Variants in LYZ observed in about 807,000 individuals in gnomAD.
LYZ encodes lysozyme.
A neutral mutation model predicts 15.8 loss-of-function variants in LYZ; 18 were observed. The observed-to-expected ratio is 1.14, with a 90% CI of 0.79 to 1.69. LYZ has a LOEUF of 1.69. Among genes scored for constraint, LYZ ranks in the 40% most tolerant of loss-of-function variants. The pLI is 0.00. For missense variants in LYZ, 139 were observed against 182.8 expected (o/e 0.76, Z 1.38); for synonymous variants, 60 against 61.7 (o/e 0.97, Z 0.13).
chr12:69,349,740 A>C (rs1293928235), intron 1 of LYZ, among the ~76,000 whole-genome samples: 1 of 152,214 alleles, frequency 6.6e-6, no homozygotes, highest in African/African-American at 2.4e-5. Flanking sequence ...GCATTTTTCC[A>C]TCAGCCTATG....
At chr12:69,350,737 C>CTTTTTTTTTTTTTTTT (rs60163961) in intron 2 of LYZ, among the ~76,000 whole-genome samples, 1 of 26,016 alleles carries the variant, frequency 3.8e-5, no homozygotes, top group African/African-American at 1.0e-4. Context: ...TCTTCTATGC[C>CTTTTTTTTTTTTTTTT]TTTTTTTTTT....
chr12:69,354,224 T>A lies in LYZ; in HGVS notation c.*1005T>A, dbSNP rs1321484545. 2.6e-5 allele frequency: 4 copies of A among 152,262 alleles called. No homozygotes were observed. The highest frequency in any genetic ancestry group is 2.6e-4 in the Admixed American group (4 of 15,290). 9.4% of individuals were successfully genotyped at this position (152,262 alleles called of 1,614,324 possible). Reference sequence around the variant, plus strand: ...AAATACAAACATTCTAATTAAAGGCTTTGCAACACATGCCTTGTCTGTTTT... The same window carrying A: ...AAATACAAACATTCTAATTAAAGGCATTGCAACACATGCCTTGTCTGTTTT... On this transcript the variant is annotated 3_prime_UTR_variant, in exon 4 of 4. Coordinates refer to ENST00000261267, the MANE Select transcript of LYZ (RefSeq NM_000239.3).
Position 69,353,860 on chromosome 12 carries a change from A to C in LYZ, c.*641A>C, listed in dbSNP as rs960625413. On this transcript the variant is annotated 3_prime_UTR_variant, in exon 4 of 4. Coordinates refer to ENST00000261267, the MANE Select transcript of LYZ (RefSeq NM_000239.3). ...TACGATTATGCCCAATATTAAGTAAAAAATATAAGAAAAGGTTATCTTAAA... is the reference window on the plus strand; with the variant it reads ...TACGATTATGCCCAATATTAAGTAACAAATATAAGAAAAGGTTATCTTAAA... 2 of 152,856 alleles carry C rather than the reference A, an allele frequency of 1.3e-5. No individual in the cohort carries two copies. Among genetic ancestry groups the C allele is most frequent in the East Asian group, 3.9e-4 (2 of 5,190 alleles). 9.5% of individuals were successfully genotyped at this position (152,856 alleles called of 1,614,324 possible). A position where few individuals can be genotyped will look rare whatever the true frequency, so the allele number is the denominator to read the frequency against.
Position 69,353,456 on chromosome 12 carries a change from T to A in LYZ, c.*237T>A. The A allele has an allele frequency of 1.8e-6, 1 of 557,952 alleles. No individual in the cohort carries two copies. The highest frequency in any genetic ancestry group is 3.2e-6 in the Non-Finnish European group (1 of 312,488). 34.6% of individuals were successfully genotyped at this position (557,952 alleles called of 1,614,324 possible). A position where few individuals can be genotyped will look rare whatever the true frequency, so the allele number is the denominator to read the frequency against. On this transcript the variant is annotated 3_prime_UTR_variant, in exon 4 of 4. Coordinates refer to ENST00000261267, the MANE Select transcript of LYZ (RefSeq NM_000239.3). ...GAACTAATACTGGTGAAAATTTACCTAAAACCTTGGTTATCAAATACATCT... is the reference window on the plus strand; with the variant it reads ...GAACTAATACTGGTGAAAATTTACCAAAAACCTTGGTTATCAAATACATCT...
chr12:69,351,621 C>T (rs1000093167), intron 2 of LYZ, among the ~76,000 whole-genome samples: 4 of 152,044 alleles, frequency 2.6e-5, no homozygotes, highest in African/African-American at 9.7e-5. Flanking sequence ...ATTATACACA[C>T]GGCTTTACAA....
At position 69,353,740 on chromosome 12, in the gene LYZ, G is replaced by A. The variant is rs567541896; in HGVS notation, c.*521G>A. 6.2e-3 allele frequency: 1,041 copies of A among 168,682 alleles called. 9 individuals are homozygous for A. The highest frequency in any genetic ancestry group is 0.01 in the Non-Finnish European group (816 of 77,778). 10.4% of individuals were successfully genotyped at this position (168,682 alleles called of 1,614,324 possible). A position where few individuals can be genotyped will look rare whatever the true frequency, so the allele number is the denominator to read the frequency against. Reference sequence around the variant, plus strand: ...CCTGACCTTGTGATCCACCCACCTCGGCCTCCCAAAGTGCTGGGATTACAG... The same window carrying A: ...CCTGACCTTGTGATCCACCCACCTCAGCCTCCCAAAGTGCTGGGATTACAG... On this transcript the variant is annotated 3_prime_UTR_variant, in exon 4 of 4. Transcript: ENST00000261267.
chr12:69,349,549 T>C (rs1874795226), intron 1 of LYZ, among the ~76,000 whole-genome samples: 2 of 152,260 alleles, frequency 1.3e-5, no homozygotes, highest in Non-Finnish European at 2.9e-5. Flanking sequence ...TAATAATCTC[T>C]GTAGTTTTCA....
At chr12:69,352,056 G>T (rs1039954021) in intron 2 of LYZ, among the ~76,000 whole-genome samples, 164 bp from the exon 3 acceptor site, 2 of 152,130 alleles carry the variant, frequency 1.3e-5, no homozygotes, top group African/African-American at 4.8e-5. Context: ...CATGCTGAAT[G>T]GGAGAGAATG....
In LYZ at chr12:69,353,784, G is replaced by T. The variant is rs886049808; in HGVS notation, c.*565G>T. 1.6e-4 allele frequency: 25 copies of T among 158,224 alleles called. No homozygotes were observed. The highest frequency in any genetic ancestry group is 1.0e-3 in the Admixed American group (17 of 16,478). 9.8% of individuals were successfully genotyped at this position (158,224 alleles called of 1,614,324 possible). On this transcript the variant is annotated 3_prime_UTR_variant, in exon 4 of 4. Transcript: ENST00000261267. ...ATTACAGGCGTGAGCCACTGCGCCC[G>T]GCCACATTCAGTTCTTATCAAAGAA... is the stretch of plus-strand genomic sequence containing the variant.
In LYZ at chr12:69,353,461, C is replaced by A. The variant is rs576522577; in HGVS notation, c.*242C>A. On this transcript the variant is annotated 3_prime_UTR_variant, in exon 4 of 4. Coordinates refer to ENST00000261267, the MANE Select transcript of LYZ (RefSeq NM_000239.3). ...AATACTGGTGAAAATTTACCTAAAA[C>A]CTTGGTTATCAAATACATCTCCAGT... 573 of 559,976 alleles carry A rather than the reference C, an allele frequency of 1.0e-3. No homozygotes were observed. Among genetic ancestry groups the A allele is most frequent in the Non-Finnish European group, 1.6e-3 (491 of 314,508 alleles). 34.7% of individuals were successfully genotyped at this position (559,976 alleles called of 1,614,324 possible).
chr12:69,353,870 A>G lies in LYZ; in HGVS notation c.*651A>G, dbSNP rs1293534823. 2 of 152,692 alleles carry G rather than the reference A, an allele frequency of 1.3e-5. No homozygotes were observed. Among genetic ancestry groups the G allele is most frequent in the Admixed American group, 1.3e-4 (2 of 15,348 alleles). The allele number at this position is 152,692 out of a possible 1,614,324, so 9.5% of individuals were successfully genotyped here. ...CCCAATATTAAGTAAAAAATATAAGAAAAGGTTATCTTAAATAGATCTTAG... is the reference window on the plus strand; with the variant it reads ...CCCAATATTAAGTAAAAAATATAAGGAAAGGTTATCTTAAATAGATCTTAG... On this transcript the variant is annotated 3_prime_UTR_variant, in exon 4 of 4. Transcript: ENST00000261267.
chr12:69,352,342 T>C (rs751472787), intron 3 of LYZ, 44 bp downstream of exon 3: 57 of 1,463,764 alleles, frequency 3.9e-5, no homozygotes, highest in Non-Finnish European at 5.4e-5. Context: ...TACTCTACTG[T>C]TGATATATAC....
At chr12:69,353,092 A>G (rs1378991568) in intron 3 of LYZ, 61 bp from the exon 4 acceptor site, 9 of 1,124,112 alleles carry the variant, frequency 8.0e-6, no homozygotes, top group South Asian at 3.7e-5. Context: ...AGTGCGAAGT[A>G]TGTATATTAC....
At chr12:69,349,084 C>T (rs1230756236) in intron 1 of LYZ, among the ~76,000 whole-genome samples, 1 of 152,156 alleles carries the variant, frequency 6.6e-6, no homozygotes, top group African/African-American at 2.4e-5. Context: ...TCACTGCAAC[C>T]TCTGCCTTCT....
Position 69,354,150 on chromosome 12 carries a change from T to A in LYZ, c.*931T>A, listed in dbSNP as rs191625514. The A allele has an allele frequency of 1.4e-4, 22 of 152,334 alleles. No individual in the cohort carries two copies. In the East Asian group the frequency reaches 3.5e-3, roughly 24 times the overall value. 9.4% of individuals were successfully genotyped at this position (152,334 alleles called of 1,614,324 possible). On this transcript the variant is annotated 3_prime_UTR_variant, in exon 4 of 4. Coordinates refer to ENST00000261267, the MANE Select transcript of LYZ (RefSeq NM_000239.3). The stretch of plus-strand genomic sequence containing the variant: ...CTGAGGCAGATGAGCTTACAAGTAT[T>A]GAAATAATTACTAATTAATCACAAA...
At position 69,352,298 on chromosome 12, in the gene LYZ, G is replaced by T; in HGVS notation, c.380G>T (p.Trp127Leu). Residue 127 changes from tryptophan (W) to leucine (L), a missense_variant and splice_region_variant, in exon 3 of 4, where the codon TGG (tryptophan) becomes TTG (leucine). Coordinates refer to ENST00000261267, the MANE Select transcript of LYZ (RefSeq NM_000239.3). ...CGTGATCCACAAGGCATTAGAGCAT[G>T]GTATGTTTTAAGTGTTAAAAGGGAA... Reference protein sequence around the residue: ...VVRDPQGIRAWVAWRNRCQNR... With the variant: ...VVRDPQGIRALVAWRNRCQNR... 6.2e-7 allele frequency: 1 copy of T among 1,611,104 alleles called. No homozygotes were observed. The highest frequency in any genetic ancestry group is 1.1e-5 in the South Asian group (1 of 90,994).
Position 69,353,408 on chromosome 12 carries a change from C to A in LYZ, c.*189C>A. The A allele has an allele frequency of 1.6e-6, 1 of 631,328 alleles. No individual in the cohort carries two copies. The highest frequency in any genetic ancestry group is 2.8e-6 in the Non-Finnish European group (1 of 352,008). 39.1% of individuals were successfully genotyped at this position (631,328 alleles called of 1,614,324 possible). A position where few individuals can be genotyped will look rare whatever the true frequency, so the allele number is the denominator to read the frequency against. The stretch of plus-strand genomic sequence containing the variant: ...ATGTGGTTATTTTACATTAAGCCTA[C>A]AACATTTTTCAGTTTGCAAATAGAA... On this transcript the variant is annotated 3_prime_UTR_variant, in exon 4 of 4. Coordinates refer to ENST00000261267, the MANE Select transcript of LYZ (RefSeq NM_000239.3).
rs1330005682 is a variant in LYZ at position 69,353,646 on chromosome 12, G to A, written c.*427G>A. 7 of 220,668 alleles carry A rather than the reference G, an allele frequency of 3.2e-5. No individual in the cohort carries two copies. The East Asian group carries it at 6.2e-4, about 20-fold the overall frequency. 13.7% of individuals were successfully genotyped at this position (220,668 alleles called of 1,614,324 possible). A position where few individuals can be genotyped will look rare whatever the true frequency, so the allele number is the denominator to read the frequency against. ...TGGGATTACGGGCGCCCGCCACCAC[G>A]CCCGGCTAATTTTTTGTATTTTTAG... On this transcript the variant is annotated 3_prime_UTR_variant, in exon 4 of 4. Transcript: ENST00000261267.
At position 69,353,312 on chromosome 12, in the gene LYZ, C is replaced by A; in HGVS notation, c.*93C>A. 1 of 978,212 alleles carries A rather than the reference C, an allele frequency of 1.0e-6. No homozygotes were observed. The highest frequency in any genetic ancestry group is 1.7e-6 in the Non-Finnish European group (1 of 600,682). 60.6% of individuals were successfully genotyped at this position (978,212 alleles called of 1,614,324 possible). A position where few individuals can be genotyped will look rare whatever the true frequency, so the allele number is the denominator to read the frequency against. On this transcript the variant is annotated 3_prime_UTR_variant, in exon 4 of 4. Coordinates refer to ENST00000261267, the MANE Select transcript of LYZ (RefSeq NM_000239.3). ...GGTCACACTACCATTATTTCCCCTTCAAACAAATAATATTTTTACAGAAGC... is the reference window on the plus strand; with the variant it reads ...GGTCACACTACCATTATTTCCCCTTAAAACAAATAATATTTTTACAGAAGC...
Sources: gnomAD v4.1 joint callset for allele counts (sites outside exome capture counted in the v4.1 genomes callset) on GRCh38, gnomAD v4.1.1 for gene constraint, MANE v1.5 for transcripts, NCBI Gene and HGNC (gene_info 2026-07-23, HGNC 2026-07-21) for gene names.